Variants in TRPC1 observed in about 807,000 individuals in gnomAD.
The protein encoded by TRPC1 is transient receptor potential cation channel subfamily C member 1, also known as short transient receptor potential channel 1.
A neutral mutation model predicts 88.2 loss-of-function variants in TRPC1; 42 were observed. The ratio of observed to expected loss-of-function variants is 0.48; its 90% CI spans 0.37 to 0.62. The LOEUF is 0.62. TRPC1 is among the 20% of genes least tolerant of loss of function. The pLI is 0.00. For synonymous variants in TRPC1, 288 were observed against 331.8 expected (o/e 0.87, Z 1.43); for missense variants, 699 against 957.3 (o/e 0.73, Z 3.56).
Position 142,804,050 on chromosome 3 carries a change from T to C in TRPC1, c.1831T>C (p.Phe611Leu). The part of the protein sequence containing the change: ...LAHVAIFVTR[F>L]SYGEELQSFV... Reference sequence around the variant, plus strand: ...GCATGTGGCAATCTTTGTCACAAGATTTAGCTATGGAGAAGAACTGCAGTC... The same window carrying C: ...GCATGTGGCAATCTTTGTCACAAGACTTAGCTATGGAGAAGAACTGCAGTC... The change falls in exon 11 of 13, where the codon TTT becomes CTT. Residue 611 changes from phenylalanine to leucine, a missense_variant. Coordinates refer to ENST00000476941, the MANE Select transcript of TRPC1 (RefSeq NM_001251845.2). The C allele has an allele frequency of 1.2e-6, 2 of 1,613,834 alleles. No individual in the cohort carries two copies. The highest frequency in any genetic ancestry group is 2.2e-5 in the South Asian group (2 of 91,080).
intron 1 of TRPC1, among the ~76,000 whole-genome samples, chr3:142,735,817 A>T (rs1934113366): frequency 6.6e-6 from 1 of 152,072 alleles, no homozygotes; most frequent in African/African-American, 2.4e-5. Flanking sequence ...AGTAGGGAAG[A>T]GGATTTTCAG....
At chr3:142,735,170 A>G (rs1934081795) in intron 1 of TRPC1, among the ~76,000 whole-genome samples, 1 of 152,212 alleles carries the variant, frequency 6.6e-6, no homozygotes, top group African/African-American at 2.4e-5. Context: ...CAAGAAAACT[A>G]TCACCCAGCT....
intron 9 of TRPC1, among the ~76,000 whole-genome samples, chr3:142,795,011 T>A (rs2108148143): frequency 6.6e-6 from 1 of 152,052 alleles, no homozygotes; most frequent in Non-Finnish European, 1.5e-5. Context: ...ACATGGAAGA[T>A]GTAAAAAAAA....
chr3:142,731,374 A>ATTTTTTTTTTTTTTTT (rs59613066), intron 1 of TRPC1, among the ~76,000 whole-genome samples: 2 of 79,524 alleles, frequency 2.5e-5, no homozygotes, highest in Admixed American at 1.4e-4. Flanking sequence ...ATATGTTTTG[A>ATTTTTTTTTTTTTTTT]TTTTTTTTTT....
intron 1 of TRPC1, among the ~76,000 whole-genome samples, chr3:142,733,124 T>C (rs1289636260): frequency 1.1e-5 from 1 of 94,650 alleles, no homozygotes; most frequent in East Asian, 4.4e-4. Context: ...GTGGAACCTT[T>C]TATTTTTAGG....
At chr3:142,735,507 TTTAA>T (rs1934096445) in intron 1 of TRPC1, among the ~76,000 whole-genome samples, 1 of 152,196 alleles carries the variant, frequency 6.6e-6, no homozygotes, top group East Asian at 1.9e-4. Flanking sequence ...TTTTTCTCTA[TTTAA>T]TTAGCATTTC....
chr3:142,758,658 T>C (rs1160358904), intron 4 of TRPC1, among the ~76,000 whole-genome samples: 1 of 152,122 alleles, frequency 6.6e-6, no homozygotes, highest in Non-Finnish European at 1.5e-5. Flanking sequence ...ATTTTTGCTT[T>C]GGTTGTCTGT....
chr3:142,780,673 G>C (rs909153964), intron 5 of TRPC1, among the ~76,000 whole-genome samples, 161 bp from the exon 6 acceptor site: 3 of 152,178 alleles, frequency 2.0e-5, no homozygotes, highest in Non-Finnish European at 4.4e-5. Context: ...TGGAAAATTC[G>C]TGCATCACTA....
intron 4 of TRPC1, among the ~76,000 whole-genome samples, chr3:142,773,942 G>C (rs1358290489): frequency 6.6e-6 from 1 of 151,396 alleles, no homozygotes; most frequent in African/African-American, 2.4e-5. Flanking sequence ...TTCCTGTTTT[G>C]TTGTTTTTTA....
At chr3:142,785,217 T>G in intron 7 of TRPC1, 177 bp downstream of exon 7, 1 of 498,364 alleles carries the variant, frequency 2.0e-6, no homozygotes, top group Non-Finnish European at 3.4e-6. Context: ...AAGATAAATG[T>G]TCCTGAACTT....
chr3:142,762,428 A>ATTTTTTT (rs755194552), intron 4 of TRPC1, among the ~76,000 whole-genome samples: 9 of 103,658 alleles, frequency 8.7e-5, no homozygotes, highest in African/African-American at 1.5e-4. Context: ...TTTATTCTTG[A>ATTTTTTT]TTTTTTTTTT....
rs1188486248 is a variant in TRPC1 at position 142,802,164 on chromosome 3, C to G, written c.1582-5C>G. 6.5e-7 allele frequency: 1 copy of G among 1,544,926 alleles called. No homozygotes were observed. Among genetic ancestry groups the G allele is most frequent in the Admixed American group, 2.1e-5 (1 of 47,278 alleles). ...TAATGAACACCTGTGTAATATATTC[C>G]ACAGATTTCAATGGGACAGATGTTA... On this transcript the variant is annotated splice_region_variant and splice_polypyrimidine_tract_variant and intron_variant, in intron 9 of 12. Transcript: ENST00000476941.
intron 5 of TRPC1, among the ~76,000 whole-genome samples, chr3:142,778,404 TA>T (rs1253603955): frequency 1.4e-4 from 21 of 151,952 alleles, no homozygotes; most frequent in Admixed American, 2.6e-4. Flanking sequence ...TATTTTCCTT[TA>T]GGGGGGTAAG....
chr3:142,755,643 C>G (rs963456612), intron 4 of TRPC1, among the ~76,000 whole-genome samples: 6 of 152,104 alleles, frequency 3.9e-5, no homozygotes, highest in Non-Finnish European at 8.8e-5. Flanking sequence ...TTAGGTTGAA[C>G]CATATGAAAT....
At chr3:142,732,622 T>C (rs1267728909) in intron 1 of TRPC1, among the ~76,000 whole-genome samples, 1 of 152,004 alleles carries the variant, frequency 6.6e-6, no homozygotes, top group East Asian at 1.9e-4. Context: ...ATGGGAGATA[T>C]TTTAGAGAGG....
Position 142,763,983 on chromosome 3 carries a change from T to TATATATATATATATATATATATACAC in TRPC1, c.633-13648_633-13647insTATATATATATATATATATATACACA, listed in dbSNP as rs1441314374. On this transcript the variant is annotated intron_variant, in intron 4 of 12. Transcript: ENST00000476941. Reference sequence around the variant, plus strand: ...AAATATATATATATATATATATATATACACATACATACATACATATATATA... The same window carrying TATATATATATATATATATATATACAC: ...AAATATATATATATATATATATATATATATATATATATATATATATATACACACACATACATACATACATATATATA... Among the ~76,000 whole-genome samples, 371 of 74,132 alleles carry TATATATATATATATATATATATACAC rather than the reference T, an allele frequency of 5.0e-3. 7 individuals carry two copies. The highest frequency in any genetic ancestry group is 6.1e-3 in the Non-Finnish European group (232 of 37,830). The allele number at this position is 74,132 out of a possible 152,430, so 48.6% of individuals were successfully genotyped here.
At chr3:142,801,989 C>T (rs1359721879) in intron 9 of TRPC1, among the ~76,000 whole-genome samples, 180 bp from the exon 10 acceptor site, 1 of 152,058 alleles carries the variant, frequency 6.6e-6, no homozygotes, top group East Asian at 1.9e-4. Flanking sequence ...ATTAGAATGA[C>T]TTTTTGTTAG....
At chr3:142,801,067 C>A (rs1451162531) in intron 9 of TRPC1, 1 of 152,006 alleles carries the variant, frequency 6.6e-6, no homozygotes, top group Non-Finnish European at 1.5e-5. Flanking sequence ...TCTTGTCTAT[C>A]CTTTAACAAA....
intron 5 of TRPC1, among the ~76,000 whole-genome samples, chr3:142,778,418 GA>G (rs139429483): frequency 4.0e-4 from 56 of 138,764 alleles, no homozygotes; most frequent in Middle Eastern, 3.5e-3. Flanking sequence ...GGGGTAAGTT[GA>G]AAAAAAAAAA....
Sources: allele counts gnomAD v4.1 joint callset (sites outside exome capture counted in the v4.1 genomes callset), GRCh38; gene constraint gnomAD v4.1.1; transcripts MANE v1.5; gene names NCBI Gene and HGNC (gene_info 2026-07-23, HGNC 2026-07-21).